The following FAAH2 variants were observed in gnomAD, a reference collection of about 807,000 sequenced individuals.
The protein encoded by FAAH2 is fatty acid amide hydrolase 2, also known as fatty-acid amide hydrolase 2.
Under a neutral mutation model 36.9 loss-of-function variants are expected in FAAH2, and 60 were observed. That is an observed-to-expected ratio of 1.63 (90% CI 1.32 to 2.02). The LOEUF (loss-of-function observed/expected upper bound fraction) is 2.02, where lower values mean the gene tolerates loss of function less well. Among genes scored for constraint, FAAH2 ranks in the 30% most tolerant of loss-of-function variants. The pLI is 0.00. For synonymous variants in FAAH2, 214 were observed against 143.8 expected (o/e 1.49, Z -3.49); for missense variants, 689 against 397.5 (o/e 1.73, Z -6.23).
chrX:57,350,253 A>G (rs2053964216), intron 5 of FAAH2, among the ~76,000 whole-genome samples: 1 of 111,314 alleles, frequency 9.0e-6, no homozygotes, highest in African/African-American at 3.2e-5. Flanking sequence ...GAAATGCTCA[A>G]GAAGTCCTAA....
chrX:57,298,851 T>A lies in FAAH2; in HGVS notation c.275+6271T>A, dbSNP rs186182245. Among the ~76,000 whole-genome samples, 574 of 104,785 alleles carry A rather than the reference T, an allele frequency of 5.5e-3. 5 individuals are homozygous for A. Among genetic ancestry groups the A allele is most frequent in the African/African-American group, 0.019 (555 of 28,664 alleles). The allele number at this position is 104,785 out of a possible 115,157, so 91.0% of individuals were successfully genotyped here. ...CTGTATGCAAATAAACTAGAAAATC[T>A]AGAAGAAACGGATAAATTCCTCGAC... On this transcript the variant is annotated intron_variant, in intron 2 of 10. Transcript: ENST00000374900.
rs769502005 is a variant in FAAH2 at position 57,423,341 on chromosome X, C to A, written c.997-8577C>A. ...GAGGTGAGTGTGGCATGGGCATGAG[C>A]TGCAGGTGCAGAAATTGGGAGCTCT... is the stretch of plus-strand genomic sequence containing the variant. On this transcript the variant is annotated intron_variant, in intron 7 of 10. Transcript: ENST00000374900. 2.6e-4 allele frequency among the ~76,000 whole-genome samples: 29 copies of A among 111,722 alleles called. No homozygotes were observed. In the South Asian group the frequency reaches 9.0e-3, roughly 35 times the overall value.
chrX:57,337,432 A>C (rs1031466339), intron 4 of FAAH2, among the ~76,000 whole-genome samples: 2 of 111,572 alleles, frequency 1.8e-5, no homozygotes, highest in Non-Finnish European at 3.8e-5. Flanking sequence ...CTGATAAGAA[A>C]ACCTGGCAGA....
intron 5 of FAAH2, among the ~76,000 whole-genome samples, chrX:57,375,471 G>A (rs1382351693): frequency 9.4e-6 from 1 of 106,524 alleles, no homozygotes; most frequent in Non-Finnish European, 1.9e-5. Flanking sequence ...TATATTTCCA[G>A]GAACTTTTCC....
intron 2 of FAAH2, among the ~76,000 whole-genome samples, chrX:57,302,424 A>T (rs183737197): frequency 9.8e-5 from 11 of 111,845 alleles, no homozygotes; most frequent in Admixed American, 3.8e-4. Context: ...GGTGTTGAAG[A>T]TATAAAGATA....
At chrX:57,186,869 T>C in the FAAH2 span, among the ~76,000 whole-genome samples, 1 of 111,892 alleles carries the variant, frequency 8.9e-6, no homozygotes, top group South Asian at 3.7e-4. Flanking sequence ...GATCAGATCA[T>C]TGTAGATAAG....
intron 10 of FAAH2, among the ~76,000 whole-genome samples, chrX:57,475,962 ATGGGAGT>A (rs2057259062): frequency 9.0e-6 from 1 of 111,122 alleles, no homozygotes; most frequent in Non-Finnish European, 1.9e-5. Context: ...GCAATTGTGA[ATGGGAGT>A]TCAATCATGA....
intron 5 of FAAH2, among the ~76,000 whole-genome samples, chrX:57,352,083 T>C (rs186710134): frequency 2.0e-4 from 5 of 24,614 alleles, no homozygotes; most frequent in African/African-American, 6.5e-4. Flanking sequence ...TATATATGTG[T>C]ATATATATGC....
At chrX:57,377,499 G>T (rs1324930475) in intron 5 of FAAH2, among the ~76,000 whole-genome samples, 1 of 111,832 alleles carries the variant, frequency 8.9e-6, no homozygotes, top group Admixed American at 9.5e-5. Context: ...TGTTCCTTTG[G>T]TCTATATCTC....
chrX:57,464,684 A>C (rs1306837147), intron 10 of FAAH2, among the ~76,000 whole-genome samples: 4 of 110,649 alleles, frequency 3.6e-5, no homozygotes, highest in Non-Finnish European at 7.6e-5. Context: ...CCTACAAAAA[A>C]CTTAACAAAT....
intron 1 of FAAH2, among the ~76,000 whole-genome samples, chrX:57,290,933 T>C (rs1450380645): frequency 8.9e-6 from 1 of 112,078 alleles, no homozygotes; most frequent in Non-Finnish European, 1.9e-5. Context: ...TAATTAAGCC[T>C]TCTAAATATC....
At chrX:57,229,980 C>T in the FAAH2 span, among the ~76,000 whole-genome samples, 2 of 111,791 alleles carry the variant, frequency 1.8e-5, no homozygotes, top group Non-Finnish European at 3.8e-5. Flanking sequence ...ATAGTCATAC[C>T]ATGAAGCTAA....
the FAAH2 span, among the ~76,000 whole-genome samples, chrX:57,188,081 A>G: frequency 9.0e-6 from 1 of 111,653 alleles, no homozygotes; most frequent in Non-Finnish European, 1.9e-5. Flanking sequence ...CCTCATAGAA[A>G]GAGTTAGAGA....
intron 5 of FAAH2, among the ~76,000 whole-genome samples, chrX:57,354,975 G>C (rs2147117363): frequency 1.8e-5 from 2 of 110,918 alleles, no homozygotes; most frequent in East Asian, 5.6e-4. Context: ...GGCTAGCACT[G>C]CCAGGAATTT....
At chrX:57,423,721 C>T (rs2056092163) in intron 7 of FAAH2, among the ~76,000 whole-genome samples, 3 of 111,307 alleles carry the variant, frequency 2.7e-5, no homozygotes, top group Non-Finnish European at 5.7e-5. Context: ...TTGTGCGTGC[C>T]ATTGGGGAGC....
the FAAH2 span, chrX:57,137,128 G>T: frequency 1.3e-6 from 1 of 761,358 alleles, no homozygotes; most frequent in Non-Finnish European, 1.6e-6. Context: ...CTTGCCTGGC[G>T]CCCAACTCCA....
the FAAH2 span, among the ~76,000 whole-genome samples, chrX:57,222,020 G>T: frequency 3.6e-5 from 4 of 110,727 alleles, no homozygotes; most frequent in South Asian, 1.5e-3. Context: ...CCCAAAATGC[G>T]AGTATTAGGT....
intron 1 of FAAH2, 108 bp downstream of exon 1, chrX:57,287,125 A>C: frequency 1.2e-6 from 1 of 805,171 alleles, no homozygotes; most frequent in Non-Finnish European, 1.7e-6. Flanking sequence ...TACTAGGGCG[A>C]CTTAGGAGAG....
chrX:57,306,994 G>GATAGAT (rs770040896), intron 2 of FAAH2, among the ~76,000 whole-genome samples: 1 of 31,023 alleles, frequency 3.2e-5, no homozygotes, highest in African/African-American at 7.2e-5. Flanking sequence ...CACACACACA[G>GATAGAT]ATACATATAT....
Sources: gnomAD v4.1 joint callset for allele counts (sites outside exome capture counted in the v4.1 genomes callset) on GRCh38, gnomAD v4.1.1 for gene constraint, MANE v1.5 for transcripts, NCBI Gene and HGNC (gene_info 2026-07-23, HGNC 2026-07-21) for gene names.